RAD51B: variants seen among roughly 807,000 people sequenced by gnomAD.
The protein encoded by RAD51B is DNA repair protein RAD51 homolog 2.
In RAD51B, 38 loss-of-function variants were observed where a neutral mutation model predicts 42.2. The ratio of observed to expected loss-of-function variants is 0.90; its 90% CI spans 0.70 to 1.18. The LOEUF is 1.18. Among genes scored for constraint, RAD51B ranks in the 50% most tolerant of loss-of-function variants. RAD51B has a pLI of 0.00. For synonymous variants in RAD51B, 154 were observed against 145.2 expected, an observed-to-expected ratio of 1.06 and a Z score of -0.43; for missense variants, 373 against 400.7, an observed-to-expected ratio of 0.93 and a Z score of 0.59.
rs1475176496 is a variant in RAD51B at position 67,945,766 on chromosome 14, C to T, written c.756+58562C>T. The stretch of plus-strand genomic sequence containing the variant: ...GATTACAGGCATGAGCTACCATGCC[C>T]AGCCCAGACCAAGAGTTTTAAATTG... On this transcript the variant is annotated intron_variant, in intron 7 of 10. Coordinates refer to ENST00000471583, the MANE Select transcript of RAD51B (RefSeq NM_133510.4). Among the ~76,000 whole-genome samples the T allele has an allele frequency of 2.0e-5, 3 of 152,262 alleles. No individual in the cohort carries two copies. The East Asian group carries it at 5.8e-4, about 29-fold the overall frequency.
At chr14:68,479,827 C>G (rs1341136562), downstream of RAD51B, among the ~76,000 whole-genome samples, 1 of 151,722 alleles carries the variant, frequency 6.6e-6, no homozygotes, top group Non-Finnish European at 1.5e-5. Context: ...CATCACCACA[C>G]CTGGCTAATT....
chr14:68,081,634 T>A (rs1345346359), intron 7 of RAD51B, among the ~76,000 whole-genome samples: 1 of 152,240 alleles, frequency 6.6e-6, no homozygotes, highest in African/African-American at 2.4e-5. Flanking sequence ...GTGGTGACAC[T>A]GAATGAGAGC....
At chr14:67,941,253 C>T (rs2045197982) in intron 7 of RAD51B, among the ~76,000 whole-genome samples, 2 of 152,008 alleles carry the variant, frequency 1.3e-5, no homozygotes, top group Non-Finnish European at 2.9e-5. Context: ...TTGAGAATAC[C>T]CTTCTGATCC....
chr14:68,036,960 CT>C (rs950617262), intron 7 of RAD51B, among the ~76,000 whole-genome samples: 37 of 147,858 alleles, frequency 2.5e-4, no homozygotes, highest in African/African-American at 3.7e-4. Flanking sequence ...AGCTGTTTCA[CT>C]TTTTTTTTTC....
intron 9 of RAD51B, among the ~76,000 whole-genome samples, chr14:68,425,970 T>TTCTTTCTTTCTTTCTTTC: frequency 1.6e-5 from 2 of 122,074 alleles, no homozygotes; most frequent in African/African-American, 7.2e-5. Flanking sequence ...CTTTCTTTCT[T>TTCTTTCTTTCTTTCTTTC]TCTTTCTTCC....
intron 8 of RAD51B, among the ~76,000 whole-genome samples, chr14:68,393,927 G>A (rs2083835758): frequency 6.6e-6 from 1 of 152,124 alleles, no homozygotes; most frequent in South Asian, 2.1e-4. Context: ...CCAAATTCAG[G>A]TCTTTCTCAT....
intron 10 of RAD51B, among the ~76,000 whole-genome samples, chr14:68,557,785 A>G (rs867104365): frequency 6.6e-6 from 1 of 152,188 alleles, no homozygotes; most frequent in Admixed American, 6.5e-5. Context: ...AGCTCTTGTT[A>G]TATGCAAAGT....
At chr14:68,263,243 C>CA (rs1470312242) in intron 7 of RAD51B, among the ~76,000 whole-genome samples, 8 of 152,176 alleles carry the variant, frequency 5.3e-5, no homozygotes. Context: ...TGTTTGAATA[C>CA]AAAAAATTCT....
chr14:68,225,752 T>C (rs1255769170), intron 7 of RAD51B, among the ~76,000 whole-genome samples: 1 of 152,178 alleles, frequency 6.6e-6, no homozygotes, highest in African/African-American at 2.4e-5. Context: ...ATCGCAATCT[T>C]TATGTACATA....
intron 8 of RAD51B, among the ~76,000 whole-genome samples, chr14:68,346,573 C>G (rs2082682021): frequency 6.6e-6 from 1 of 152,252 alleles, no homozygotes; most frequent in African/African-American, 2.4e-5. Context: ...ACTAATCCAG[C>G]AGTCGCACTC....
chr14:68,491,234 G>A (rs1028740274), intron 10 of RAD51B, among the ~76,000 whole-genome samples: 3 of 152,088 alleles, frequency 2.0e-5, no homozygotes, highest in African/African-American at 7.2e-5. Flanking sequence ...GCCCGCAGCC[G>A]CCCTTCCTCC....
chr14:68,395,516 CT>C (rs1427119838), intron 8 of RAD51B, among the ~76,000 whole-genome samples: 2 of 152,222 alleles, frequency 1.3e-5, no homozygotes, highest in East Asian at 3.8e-4. Context: ...CCTCCCTTTC[CT>C]TTCCTTGATG....
At chr14:68,642,163 G>T (rs1001616182) in intron 10 of RAD51B, among the ~76,000 whole-genome samples, 1 of 152,180 alleles carries the variant, frequency 6.6e-6, no homozygotes, top group African/African-American at 2.4e-5. Context: ...TTCTGAAAGA[G>T]ATTATAGCAA....
intron 8 of RAD51B, among the ~76,000 whole-genome samples, chr14:68,335,439 A>G (rs2082436370): frequency 6.6e-6 from 1 of 152,110 alleles, no homozygotes; most frequent in African/African-American, 2.4e-5. Flanking sequence ...AGCATACTTT[A>G]GTCTCTTAGT....
intron 7 of RAD51B, among the ~76,000 whole-genome samples, chr14:68,257,744 T>C (rs1339815153): frequency 6.6e-6 from 1 of 152,076 alleles, no homozygotes; most frequent in African/African-American, 2.4e-5. Context: ...TATATAAATA[T>C]GTTAGGTTTC....
chr14:68,333,896 A>C (rs868556262), intron 8 of RAD51B, among the ~76,000 whole-genome samples: 1 of 152,204 alleles, frequency 6.6e-6, no homozygotes, highest in Middle Eastern at 3.4e-3. Context: ...TCTCATTGCA[A>C]TTGTGTATCC....
At chr14:67,862,205 A>AG (rs2042185627) in intron 4 of RAD51B, among the ~76,000 whole-genome samples, 1 of 152,144 alleles carries the variant, frequency 6.6e-6, no homozygotes, top group African/African-American at 2.4e-5. Context: ...ACCATTCTAC[A>AG]GTGTACTATA....
At chr14:67,928,158 T>G (rs2044593572) in intron 7 of RAD51B, among the ~76,000 whole-genome samples, 1 of 152,174 alleles carries the variant, frequency 6.6e-6, no homozygotes. Context: ...GACTTTTTGT[T>G]CCTGGTTCAA....
At chr14:68,516,034 C>G (rs1331526141) in intron 10 of RAD51B, among the ~76,000 whole-genome samples, 2 of 152,074 alleles carry the variant, frequency 1.3e-5, no homozygotes, top group East Asian at 3.9e-4. Context: ...GTCCGCCCAC[C>G]TCGGCCTCCC....
Sources: gnomAD v4.1 joint callset for allele counts (sites outside exome capture counted in the v4.1 genomes callset) on GRCh38, gnomAD v4.1.1 for gene constraint, MANE v1.5 for transcripts, NCBI Gene and HGNC (gene_info 2026-07-23, HGNC 2026-07-21) for gene names.